The following SLC35F3 variants were observed in gnomAD, a reference collection of about 807,000 sequenced individuals.
SLC35F3 encodes the protein solute carrier family 35 member F3.
Under a neutral mutation model 49.9 loss-of-function variants are expected in SLC35F3, and 25 were observed. That is an observed-to-expected ratio of 0.50 (90% CI 0.37 to 0.70). SLC35F3 has a LOEUF of 0.70. Ranked by LOEUF, SLC35F3 falls within the 30% of genes least tolerant of loss-of-function variation. The probability of loss-of-function intolerance (pLI) is 0.00; values close to 1 mark genes in which losing one functional copy is unlikely to be tolerated. For missense variants in SLC35F3, 525 were observed against 639.8 expected (o/e 0.82, Z 1.94); for synonymous variants, 275 against 265.4 (o/e 1.04, Z -0.35).
intron 2 of SLC35F3, among the ~76,000 whole-genome samples, chr1:234,144,339 A>G (rs1415246951): frequency 1.3e-5 from 2 of 152,154 alleles, no homozygotes; most frequent in African/African-American, 4.8e-5. Flanking sequence ...TGTAAATGCA[A>G]GGGGGTTAGG....
At chr1:234,113,745 C>T (rs913999440) in intron 2 of SLC35F3, among the ~76,000 whole-genome samples, 3 of 152,174 alleles carry the variant, frequency 2.0e-5, no homozygotes, top group Non-Finnish European at 4.4e-5. Flanking sequence ...CGTCTGTAAT[C>T]CCAGCTACTC....
chr1:234,208,181 CT>C (rs1273069897), intron 2 of SLC35F3, among the ~76,000 whole-genome samples: 1 of 152,198 alleles, frequency 6.6e-6, no homozygotes, highest in Non-Finnish European at 1.5e-5. Context: ...GTTGGCTATA[CT>C]TTAAGGCATT....
At chr1:234,141,605 T>C (rs938811979) in intron 2 of SLC35F3, among the ~76,000 whole-genome samples, 2 of 152,144 alleles carry the variant, frequency 1.3e-5, no homozygotes, top group East Asian at 3.9e-4. Flanking sequence ...TAACGGTGGC[T>C]TTACATTGCC....
chr1:234,214,124 C>T lies in SLC35F3; in HGVS notation c.284-17293C>T. ...AGTCAGGACCTGGCTGGGAGGAAGA[C>T]AGGGATGAGGGCTGCGGGGCTGGGC... On this transcript the variant is annotated intron_variant, in intron 2 of 7. Coordinates refer to ENST00000366618, the MANE Select transcript of SLC35F3 (RefSeq NM_173508.4). This position sits in a 1 kb window ranked among gnomAD's most constrained non-coding sequence, Gnocchi z 8.0. 1 of 1,022,984 alleles carries T rather than the reference C, an allele frequency of 9.8e-7. No individual in the cohort carries two copies. The highest frequency in any genetic ancestry group is 4.6e-4 in the Middle Eastern group (1 of 2,162). 63.4% of individuals were successfully genotyped at this position (1,022,984 alleles called of 1,614,324 possible).
intron 2 of SLC35F3, among the ~76,000 whole-genome samples, chr1:234,228,880 A>G (rs1160178599): frequency 6.6e-6 from 1 of 152,228 alleles, no homozygotes; most frequent in Non-Finnish European, 1.5e-5. Context: ...TGATGTATGT[A>G]TAAAGAATAC....
chr1:234,079,133 C>A (rs1191906907), intron 2 of SLC35F3, among the ~76,000 whole-genome samples: 1 of 152,126 alleles, frequency 6.6e-6, no homozygotes, highest in Non-Finnish European at 1.5e-5. Flanking sequence ...ACATATAGTT[C>A]AAGGGAATAG....
In SLC35F3 at chr1:234,016,050, G is replaced by A. The variant is rs1288118980; in HGVS notation, c.283+110292G>A. On this transcript the variant is annotated intron_variant, in intron 2 of 7. Coordinates refer to ENST00000366618, the MANE Select transcript of SLC35F3 (RefSeq NM_173508.4). ...GCCCAAGAGATATGTTTTAAAAAAT[G>A]TTCCACATCACTAATCATTAGGGAA... 2.6e-5 allele frequency among the ~76,000 whole-genome samples: 4 copies of A among 152,160 alleles called. 1 individual carries two copies. In the South Asian group the frequency reaches 8.3e-4, roughly 32 times the overall value.
chr1:233,914,084 C>A (rs1377950249), intron 2 of SLC35F3, among the ~76,000 whole-genome samples: 1 of 152,122 alleles, frequency 6.6e-6, no homozygotes, highest in Non-Finnish European at 1.5e-5. Flanking sequence ...CTGCCCTGTA[C>A]TACATCCTCC....
In SLC35F3 at chr1:234,316,651, C is replaced by G. The variant is rs757746105; in HGVS notation, c.878C>G (p.Ala293Gly). 1.9e-6 allele frequency: 3 copies of G among 1,613,352 alleles called. No individual in the cohort carries two copies. The highest frequency in any genetic ancestry group is 2.5e-6 in the Non-Finnish European group (3 of 1,179,390). ...AIAGIVMMTYADGFHSHSVIG... is the reference protein window; with the variant it reads ...AIAGIVMMTYGDGFHSHSVIG... ...GCTGGCATTGTGATGATGACCTACG[C>G]TGATGGCTTCCACAGCCACTCCGTC... The change falls in exon 5 of 8, where the codon GCT becomes GGT. Residue 293 changes from alanine to glycine, a missense_variant. Ala to Gly is a moderately conservative substitution (Grantham distance 60). Transcript: ENST00000366618.
intron 2 of SLC35F3, among the ~76,000 whole-genome samples, chr1:234,011,859 G>A (rs1025913059): frequency 3.9e-5 from 6 of 152,036 alleles, no homozygotes; most frequent in Admixed American, 2.6e-4. Flanking sequence ...TCATCAGGTG[G>A]GATGAGAGAC....
intron 2 of SLC35F3, chr1:234,213,976 C>A (rs763077879): frequency 5.7e-5 from 9 of 158,632 alleles, no homozygotes; most frequent in African/African-American, 9.6e-5. Flanking sequence ...AACTCTCAAT[C>A]CAAAGTCAAG....
At chr1:233,912,478 AAAAC>A (rs961161575) in intron 2 of SLC35F3, among the ~76,000 whole-genome samples, 6 of 149,276 alleles carry the variant, frequency 4.0e-5, no homozygotes, top group East Asian at 2.0e-4. Flanking sequence ...CTCCATCACA[AAAAC>A]AAACAAACAA....
chr1:233,918,296 T>A (rs982081407), intron 2 of SLC35F3, among the ~76,000 whole-genome samples: 2 of 152,216 alleles, frequency 1.3e-5, no homozygotes, highest in Non-Finnish European at 2.9e-5. Context: ...TGCCAGAATC[T>A]CTTGGCCACC....
intron 2 of SLC35F3, among the ~76,000 whole-genome samples, chr1:234,127,811 T>G (rs1395397459): frequency 6.6e-6 from 1 of 152,118 alleles, no homozygotes; most frequent in African/African-American, 2.4e-5. Context: ...TAGCATAAAT[T>G]GGGGAAGATT....
At chr1:234,122,544 T>C (rs1665591371) in intron 2 of SLC35F3, among the ~76,000 whole-genome samples, 1 of 152,202 alleles carries the variant, frequency 6.6e-6, no homozygotes, top group African/African-American at 2.4e-5. Flanking sequence ...GGTGGTTTGC[T>C]GCACCTATCA....
chr1:234,147,357 GT>G (rs1218869116), intron 2 of SLC35F3, among the ~76,000 whole-genome samples: 1 of 149,348 alleles, frequency 6.7e-6, no homozygotes, highest in East Asian at 2.0e-4. Flanking sequence ...AATTTACTGT[GT>G]TTTTTGTTTC....
chr1:234,176,788 T>G (rs1249637373), intron 2 of SLC35F3, among the ~76,000 whole-genome samples: 1 of 152,172 alleles, frequency 6.6e-6, no homozygotes, highest in Non-Finnish European at 1.5e-5. Flanking sequence ...GAGCCTACTT[T>G]AATTAAAAAA....
At chr1:233,970,735 CAGAG>C (rs1315652184) in intron 2 of SLC35F3, among the ~76,000 whole-genome samples, 4 of 152,278 alleles carry the variant, frequency 2.6e-5, no homozygotes, top group African/African-American at 7.2e-5. Context: ...TATGAAGAGA[CAGAG>C]AGAAGACGGC....
intron 2 of SLC35F3, among the ~76,000 whole-genome samples, chr1:233,998,505 A>T (rs1237009974): frequency 6.6e-6 from 1 of 151,324 alleles, no homozygotes; most frequent in Non-Finnish European, 1.5e-5. Flanking sequence ...GACTCTTCAG[A>T]GGAGATGCTA....
Sources: allele counts gnomAD v4.1 joint callset (sites outside exome capture counted in the v4.1 genomes callset), GRCh38; gene constraint gnomAD v4.1.1; non-coding constraint Gnocchi (gnomAD v3.1); transcripts MANE v1.5; gene names NCBI Gene and HGNC (gene_info 2026-07-23, HGNC 2026-07-21).